The following CP variants were observed in gnomAD, a reference collection of about 807,000 sequenced individuals.
The protein encoded by CP is caeruloplasmin.
CP carries 64 observed loss-of-function variants against 122.4 expected under a neutral mutation model. The ratio of observed to expected loss-of-function variants is 0.52; its 90% confidence interval spans 0.43 to 0.64. The LOEUF (loss-of-function observed/expected upper bound fraction) is 0.64, where lower values mean the gene tolerates loss of function less well. CP is among the 30% of genes least tolerant of loss of function. CP has a pLI of 0.00. For missense variants in CP, 1,167 were observed against 1,284.4 expected (o/e 0.91, Z 1.40); for synonymous variants, 440 against 436.4 (o/e 1.01, Z -0.10).
intron 4 of CP, chr3:149,166,960 A>G: frequency 8.5e-7 from 1 of 1,179,240 alleles, no homozygotes; most frequent in South Asian, 1.2e-5. Flanking sequence ...TAGTCTTAAG[A>G]AATTGAATTC....
intron 1 of CP, among the ~76,000 whole-genome samples, chr3:149,214,042 C>G (rs1342733619): frequency 1.3e-5 from 2 of 152,180 alleles, no homozygotes; most frequent in African/African-American, 2.4e-5. Context: ...GCATTATTAA[C>G]CAACACACTG....
chr3:149,186,742 T>C lies in CP; in HGVS notation c.1865-10A>G, dbSNP rs771532713. On this transcript the variant is annotated splice_polypyrimidine_tract_variant and intron_variant, in intron 10 of 18. Transcript: ENST00000264613. Reference sequence around the variant, plus strand: ...ATGAATCCATTCATGGCTGTAAAAGTTGGGAAATAACATTTTGGAAGTGGT... The same window carrying C: ...ATGAATCCATTCATGGCTGTAAAAGCTGGGAAATAACATTTTGGAAGTGGT... 1 of 1,613,050 alleles carries C rather than the reference T, an allele frequency of 6.2e-7. No individual in the cohort carries two copies. The highest frequency in any genetic ancestry group is 8.5e-7 in the Non-Finnish European group (1 of 1,179,532).
intron 9 of CP, 53 bp from the exon 10 acceptor site, chr3:149,188,255 T>G (rs1304072146): frequency 6.8e-7 from 1 of 1,476,040 alleles, no homozygotes; most frequent in Non-Finnish European, 9.4e-7. Flanking sequence ...GCAGAAGACT[T>G]CCATGTGCAC....
rs1559956207 is a variant in CP, at chr3:149,207,447, G to A, written c.952C>T (p.Pro318Ser). 1.9e-6 allele frequency: 3 copies of A among 1,614,014 alleles called. No homozygotes were observed. The highest frequency in any genetic ancestry group is 3.3e-5 in the Admixed American group (2 of 60,008). Reference protein sequence around the residue: ...NYRIDTINLFPATLFDAYMVA... With the variant: ...NYRIDTINLFSATLFDAYMVA... ...ATATAAGCATCAAACAGGGTAGCAG[G>A]AAAGAGGTTGATTGTGTCAATACGG... The change falls in exon 5 of 19, where the codon CCT becomes TCT. Residue 318 changes from proline to serine, a missense_variant. By Grantham distance (74) the Pro-to-Ser change is moderately conservative. Transcript: ENST00000264613.
chr3:149,183,067 C>G (rs929249880), intron 13 of CP, among the ~76,000 whole-genome samples: 4 of 152,096 alleles, frequency 2.6e-5, no homozygotes, highest in Admixed American at 2.6e-4. Flanking sequence ...GGGAGACTCA[C>G]TTGAGCACAG....
In CP at chr3:149,165,721, C is replaced by T. The variant is rs77305405; in HGVS notation, c.*13+225G>A. On this transcript the variant is annotated intron_variant, in intron 5 of 5. Transcript: ENST00000479771. ...GTTGAAGTTATGACTACTTTCATTTCAGTCATAATTTGGTACACATGCTTT... is the reference window on the plus strand; with the variant it reads ...GTTGAAGTTATGACTACTTTCATTTTAGTCATAATTTGGTACACATGCTTT... Among the ~76,000 whole-genome samples the T allele has an allele frequency of 1.2e-3, 187 of 152,292 alleles. 3 individuals are homozygous for T. In the East Asian group the frequency reaches 0.02, roughly 16 times the overall value.
intron 10 of CP, among the ~76,000 whole-genome samples, chr3:149,187,765 G>T (rs1348211384): frequency 6.6e-6 from 1 of 152,148 alleles, no homozygotes; most frequent in Non-Finnish European, 1.5e-5. Flanking sequence ...GTCAGGGTAG[G>T]GGTCTAAGAA....
At chr3:149,164,781 C>T (rs928833835) in intron 5 of CP, among the ~76,000 whole-genome samples, 1 of 152,210 alleles carries the variant, frequency 6.6e-6, no homozygotes, top group African/African-American at 2.4e-5. Context: ...CACTGTCCTC[C>T]CGCACAGTTA....
At position 149,162,447 on chromosome 3, in the gene CP, A is replaced by G. The variant is rs540784239; in HGVS notation, c.*442T>C. The G allele has an allele frequency of 4.0e-6, 4 of 998,100 alleles. No individual in the cohort carries two copies. The African/African-American group carries it at 4.8e-5, about 12-fold the overall frequency. The allele number at this position is 998,100 out of a possible 1,614,324, so 61.8% of individuals were successfully genotyped here. On this transcript the variant is annotated 3_prime_UTR_variant, in exon 6 of 6. Transcript: ENST00000479771. ...TTGTTTGTTTATTGAAAAAACAGACATACATAATCAGTTTATAAGATAAAA... is the reference window on the plus strand; with the variant it reads ...TTGTTTGTTTATTGAAAAAACAGACGTACATAATCAGTTTATAAGATAAAA...
intron 9 of CP, among the ~76,000 whole-genome samples, chr3:149,189,581 G>A (rs1210746623): frequency 2.7e-5 from 4 of 149,592 alleles, no homozygotes; most frequent in East Asian, 1.9e-4. Flanking sequence ...GTTATGAAAC[G>A]AAAAAATCAG....
In CP at chr3:149,184,028, CTTTTTTTTTTTTT is replaced by C. The variant is rs869206210; in HGVS notation, c.2286-436_2286-424del. ...CCAGGCATTCCCTTTTCACTTACTT[CTTTTTTTTTTTTT>C]TTTTTTTTTTTTTTTGAGGAGTCTT... is the stretch of plus-strand genomic sequence containing the variant. On this transcript the variant is annotated intron_variant, in intron 12 of 18. Transcript: ENST00000264613. Among the ~76,000 whole-genome samples, 5 of 63,564 alleles carry C rather than the reference CTTTTTTTTTTTTT, an allele frequency of 7.9e-5. 1 individual carries two copies. The highest frequency in any genetic ancestry group is 4.8e-4 in the Admixed American group (2 of 4,178). 41.7% of individuals were successfully genotyped at this position (63,564 alleles called of 152,430 possible).
At chr3:149,183,662 T>A in intron 12 of CP, 57 bp from the exon 13 acceptor site, 2 of 1,224,514 alleles carry the variant, frequency 1.6e-6, no homozygotes, top group Non-Finnish European at 2.3e-6. Flanking sequence ...GTAACTTAAG[T>A]TTTAAACTTT....
chr3:149,188,431 G>GCAT (rs1267865262), intron 9 of CP, among the ~76,000 whole-genome samples: 2 of 122,438 alleles, frequency 1.6e-5, no homozygotes, highest in East Asian at 5.2e-4. Flanking sequence ...GTCTCTCTCT[G>GCAT]CATCTAAAAG....
At chr3:149,177,701 G>T in intron 17 of CP, 139 bp downstream of exon 17, 2 of 913,306 alleles carry the variant, frequency 2.2e-6, no homozygotes, top group Admixed American at 1.9e-5. Context: ...TGAATCCTGG[G>T]TGGGGAATCC....
chr3:149,221,350 G>T lies in CP; in HGVS notation c.146+297C>A, dbSNP rs35718216. On this transcript the variant is annotated intron_variant, in intron 1 of 18. Coordinates refer to ENST00000264613, the MANE Select transcript of CP (RefSeq NM_000096.4). ...GTATACAGTAATTGTTTAAATGAAA[G>T]AACTTCTGCATAAACACATAAAAAG... 0.036 allele frequency among the ~76,000 whole-genome samples: 5,464 copies of T among 152,194 alleles called. 118 individuals are homozygous for T. The highest frequency in any genetic ancestry group is 0.057 in the Non-Finnish European group (3,897 of 67,986).
At chr3:149,164,370 C>T (rs948899542) in intron 5 of CP, among the ~76,000 whole-genome samples, 5 of 152,094 alleles carry the variant, frequency 3.3e-5, no homozygotes, top group African/African-American at 1.2e-4. Context: ...GGAAACAGGT[C>T]AAAGTAGTTA....
intron 10 of CP, among the ~76,000 whole-genome samples, chr3:149,187,002 G>C (rs1726222074): frequency 6.6e-6 from 1 of 152,058 alleles, no homozygotes; most frequent in South Asian, 2.1e-4. Context: ...GCTCTTCCTG[G>C]CTAAAACAAT....
chr3:149,190,533 C>T (rs927796550), intron 9 of CP, among the ~76,000 whole-genome samples: 28 of 152,094 alleles, frequency 1.8e-4, no homozygotes, highest in Admixed American at 3.9e-4. Context: ...TGGCAGGCGC[C>T]TGTAGTCCCA....
At position 149,175,664 on chromosome 3, in the gene CP, A is replaced by AGTGTGTGTGTGTGTGTGTGTGT. The variant is rs60005904; in HGVS notation, c.3181+564_3181+585dup. ...AAACTGTTCATTTTTCTCCATTTTA[A>AGTGTGTGTGTGTGTGTGTGTGT]GTGTGTGTGTGTGTGTGTGTGTGTG... On this transcript the variant is annotated intron_variant, in intron 18 of 18. Transcript: ENST00000264613. Among the ~76,000 whole-genome samples, 1,277 of 145,628 alleles carry AGTGTGTGTGTGTGTGTGTGTGT rather than the reference A, an allele frequency of 8.8e-3. 13 individuals are homozygous for AGTGTGTGTGTGTGTGTGTGTGT. Among genetic ancestry groups the AGTGTGTGTGTGTGTGTGTGTGT allele is most frequent in the African/African-American group, 0.022 (878 of 39,098 alleles).
Sources: allele counts gnomAD v4.1 joint callset (sites outside exome capture counted in the v4.1 genomes callset), GRCh38; gene constraint gnomAD v4.1.1; transcripts MANE v1.5; gene names NCBI Gene and HGNC (gene_info 2026-07-23, HGNC 2026-07-21).